The following ZWILCH variants were observed in gnomAD, a reference collection of about 807,000 sequenced individuals.
The protein encoded by ZWILCH is protein zwilch homolog.
ZWILCH carries 74 observed loss-of-function variants against 79.9 expected under a neutral mutation model. The observed-to-expected ratio is 0.93, with a 90% confidence interval of 0.77 to 1.12. The LOEUF (loss-of-function observed/expected upper bound fraction) is 1.12. Ranked by LOEUF, ZWILCH falls within the 50% of genes most tolerant of loss-of-function variation. The pLI, the probability that ZWILCH is intolerant of heterozygous loss-of-function variation, is 0.00. For synonymous variants in ZWILCH, 241 were observed against 228.2 expected, an observed-to-expected ratio of 1.06 and a Z score of -0.51; for missense variants, 694 against 687.5, an observed-to-expected ratio of 1.01 and a Z score of -0.11.
At chr15:66,536,884 C>T (rs968089965) in intron 15 of ZWILCH, among the ~76,000 whole-genome samples, 14 of 151,920 alleles carry the variant, frequency 9.2e-5, no homozygotes, top group African/African-American at 2.7e-4. Context: ...TTTCTCCCCA[C>T]GAAGCCTTTC....
chr15:66,505,702 A>G (rs1893787952), intron 1 of ZWILCH: 1 of 411,850 alleles, frequency 2.4e-6, no homozygotes, highest in Non-Finnish European at 4.3e-6. Flanking sequence ...CGGGATACGG[A>G]AAACTAGGTG....
intron 1 of ZWILCH, among the ~76,000 whole-genome samples, chr15:66,507,881 G>A (rs1243902494): frequency 1.3e-5 from 2 of 151,260 alleles, no homozygotes; most frequent in Non-Finnish European, 2.9e-5. Flanking sequence ...TGCAGTGAGC[G>A]GAGATCACGC....
At position 66,548,772 on chromosome 15, in the gene ZWILCH, T is replaced by C. The variant is rs974723284; in HGVS notation, c.*448T>C. The C allele has an allele frequency of 4.5e-6, 2 of 445,750 alleles. No individual in the cohort carries two copies. Among genetic ancestry groups the C allele is most frequent in the Non-Finnish European group, 8.1e-6 (2 of 248,214 alleles). 27.6% of individuals were successfully genotyped at this position (445,750 alleles called of 1,614,324 possible). On this transcript the variant is annotated 3_prime_UTR_variant, in exon 19 of 19. Transcript: ENST00000307897. ...ATAGAACTTAGTAAATTAAATGTTA[T>C]TTGAAAATGTTATAAGAGCTTTGTA...
intron 7 of ZWILCH, among the ~76,000 whole-genome samples, chr15:66,522,357 G>A (rs1272612761): frequency 2.0e-5 from 3 of 147,390 alleles, no homozygotes; most frequent in Admixed American, 6.7e-5. Context: ...TTTCTGGGGC[G>A]GAGCCTCGCT....
intron 12 of ZWILCH, among the ~76,000 whole-genome samples, chr15:66,531,472 T>A (rs35932751): frequency 0.056 from 8,479 of 152,158 alleles, 333 homozygotes; most frequent in Middle Eastern, 0.11. Flanking sequence ...TTTTATTTTA[T>A]TTTTTTGAGT....
chr15:66,528,229 G>C (rs964882730), intron 10 of ZWILCH, among the ~76,000 whole-genome samples: 1 of 152,116 alleles, frequency 6.6e-6, no homozygotes, highest in African/African-American at 2.4e-5. Context: ...TCAGGTCCCC[G>C]AGTAGCTGGG....
At chr15:66,505,845 A>C in intron 1 of ZWILCH, 1 of 176,620 alleles carries the variant, frequency 5.7e-6, no homozygotes, top group Non-Finnish European at 1.2e-5. Context: ...GGTGTGTTGC[A>C]TTTTGAAAAC....
intron 8 of ZWILCH, 139 bp downstream of exon 8, chr15:66,523,887 C>T: frequency 1.8e-6 from 1 of 556,614 alleles, no homozygotes; most frequent in Non-Finnish European, 3.0e-6. Context: ...ACAGTTTGGG[C>T]AGTTAAATTT....
chr15:66,535,889 C>T, intron 14 of ZWILCH, 44 bp from the exon 15 acceptor site: 1 of 1,555,236 alleles, frequency 6.4e-7, no homozygotes, highest in Non-Finnish European at 8.6e-7. Flanking sequence ...AAAGGTTACA[C>T]AGGTGCTTTA....
chr15:66,508,406 C>A (rs547190113), intron 1 of ZWILCH, among the ~76,000 whole-genome samples: 1 of 152,224 alleles, frequency 6.6e-6, no homozygotes, highest in East Asian at 1.9e-4. Flanking sequence ...AAATCTAAGG[C>A]CTAGGACCCT....
intron 2 of ZWILCH, 54 bp from the exon 3 acceptor site, chr15:66,513,934 A>C: frequency 7.3e-7 from 1 of 1,361,632 alleles, no homozygotes; most frequent in Non-Finnish European, 1.0e-6. Context: ...ATGTGTTTAG[A>C]TAGTAGAAAT....
intron 14 of ZWILCH, among the ~76,000 whole-genome samples, chr15:66,534,861 T>C (rs1165441602): frequency 6.6e-6 from 1 of 152,212 alleles, no homozygotes; most frequent in Non-Finnish European, 1.5e-5. Context: ...ATTTAAAAAT[T>C]TGTTTCTTCA....
chr15:66,541,787 C>A (rs973158008), intron 17 of ZWILCH, among the ~76,000 whole-genome samples: 1 of 152,134 alleles, frequency 6.6e-6, no homozygotes, highest in Non-Finnish European at 1.5e-5. Flanking sequence ...GAAAACAAAT[C>A]TGATAGTTTT....
intron 2 of ZWILCH, among the ~76,000 whole-genome samples, chr15:66,510,415 C>CA (rs1183136165): frequency 1.3e-5 from 2 of 149,150 alleles, no homozygotes; most frequent in Non-Finnish European, 3.0e-5. Context: ...ATGAGAAAGA[C>CA]AAAAAAGTAT....
rs1410032258 is a variant in ZWILCH at position 66,533,808 on chromosome 15, A to AGATT, written c.1341+795_1341+796insGATT. On this transcript the variant is annotated intron_variant, in intron 14 of 18. Transcript: ENST00000307897. ...GGTTCTGCATCCATGGATTCAACCA[A>AGATT]CTGCAGATTGAAAATGTTTAAAAAA... 2.6e-5 allele frequency among the ~76,000 whole-genome samples: 4 copies of AGATT among 152,076 alleles called. No homozygotes were observed. In the East Asian group the frequency reaches 7.7e-4, roughly 29 times the overall value.
rs145952622 is a variant in ZWILCH, at chr15:66,544,724, T to TTTTTTTTTTTTGTGTGTGTGTGTGTG, written c.1688-1866_1688-1865insTTTTTTTTTTGTGTGTGTGTGTGTGT. Among the ~76,000 whole-genome samples the TTTTTTTTTTTTGTGTGTGTGTGTGTG allele has an allele frequency of 4.7e-5, 6 of 128,544 alleles. No homozygotes were observed. In the East Asian group the frequency reaches 7.4e-4, roughly 16 times the overall value. The allele number at this position is 128,544 out of a possible 152,430, so 84.3% of individuals were successfully genotyped here. A position where few individuals can be genotyped will look rare whatever the true frequency, so the allele number is the denominator to read the frequency against. On this transcript the variant is annotated intron_variant, in intron 17 of 18. Transcript: ENST00000307897. ...TGTTTTTTTGTTGTTTTTTTGGTTT[T>TTTTTTTTTTTTGTGTGTGTGTGTGTG]TGTGTGTGTGTGTGTGTGTGTGTGT...
At chr15:66,537,401 A>G in intron 16 of ZWILCH, 138 bp downstream of exon 16, 1 of 547,550 alleles carries the variant, frequency 1.8e-6, no homozygotes, top group Non-Finnish European at 3.2e-6. Flanking sequence ...CTATTAAAAA[A>G]TAATAATAGC....
intron 7 of ZWILCH, 86 bp downstream of exon 7, chr15:66,521,291 A>G: frequency 6.7e-7 from 1 of 1,491,522 alleles, no homozygotes; most frequent in East Asian, 2.3e-5. Context: ...CCATGCCTCT[A>G]GCCTTGGCAC....
intron 1 of ZWILCH, 95 bp downstream of exon 1, chr15:66,505,486 G>T: frequency 6.7e-7 from 1 of 1,483,548 alleles, no homozygotes; most frequent in Non-Finnish European, 9.3e-7. Context: ...CCACTCTGGG[G>T]ATCAGCGCTT....
Sources: allele counts gnomAD v4.1 joint callset (sites outside exome capture counted in the v4.1 genomes callset), GRCh38; gene constraint gnomAD v4.1.1; transcripts MANE v1.5; gene names NCBI Gene and HGNC (gene_info 2026-07-23, HGNC 2026-07-21).